SEMA3A: variants seen among roughly 807,000 people sequenced by gnomAD.
The protein encoded by SEMA3A is semaphorin-3A.
Under a neutral mutation model 97.9 loss-of-function variants are expected in SEMA3A, and 29 were observed. That is an observed-to-expected ratio of 0.30 (90% confidence interval 0.22 to 0.40). The LOEUF is 0.40. Among genes scored for constraint, SEMA3A ranks in the 10% least tolerant of loss-of-function variants. The pLI, the probability that SEMA3A is intolerant of heterozygous loss-of-function variation, is 1.00. For synonymous variants in SEMA3A, 321 were observed against 323.7 expected (o/e 0.99, Z 0.09); for missense variants, 763 against 951.3 (o/e 0.80, Z 2.60).
intron 3 of SEMA3A, among the ~76,000 whole-genome samples, chr7:84,234,257 C>T (rs901348229): frequency 7.9e-5 from 12 of 151,904 alleles, no homozygotes; most frequent in Non-Finnish European, 1.5e-4. Context: ...AGAATAAAGT[C>T]CCCACTTTCT....
chr7:84,414,677 T>C (rs1366705048), intron 1 of SEMA3A, among the ~76,000 whole-genome samples: 1 of 152,038 alleles, frequency 6.6e-6, no homozygotes, highest in Non-Finnish European at 1.5e-5. Context: ...TGGTGGGACA[T>C]TCTATCAGAA....
At chr7:84,149,321 T>C (rs531461026) in intron 1 of SEMA3A, among the ~76,000 whole-genome samples, 1 of 152,342 alleles carries the variant, frequency 6.6e-6, no homozygotes, top group Non-Finnish European at 1.5e-5. Context: ...ATTAATGTAA[T>C]TGTCTACAAT....
intron 6 of SEMA3A, among the ~76,000 whole-genome samples, chr7:84,033,216 C>T (rs1386920005): frequency 6.6e-6 from 1 of 152,094 alleles, no homozygotes; most frequent in Non-Finnish European, 1.5e-5. Context: ...TTTCTTGAAA[C>T]CCAAAAGTCA....
intron 3 of SEMA3A, among the ~76,000 whole-genome samples, chr7:84,204,570 C>G (rs749185047): frequency 6.6e-6 from 1 of 152,130 alleles, no homozygotes; most frequent in Non-Finnish European, 1.5e-5. Context: ...CAGGAGGCAA[C>G]TTCTTGAGAA....
intron 3 of SEMA3A, among the ~76,000 whole-genome samples, chr7:84,303,247 G>C (rs141966843): frequency 1.3e-5 from 2 of 152,090 alleles, no homozygotes; most frequent in Admixed American, 1.3e-4. Flanking sequence ...AGTCAAGGCC[G>C]TGAGGTAAGA....
intron 6 of SEMA3A, among the ~76,000 whole-genome samples, chr7:84,035,849 T>C (rs1584575992): frequency 6.6e-6 from 1 of 152,204 alleles, no homozygotes; most frequent in East Asian, 1.9e-4. Context: ...AATTTACTTA[T>C]AGTTAGGGAC....
rs150860276 is a variant in SEMA3A, at chr7:84,119,882, T to C, written c.333+9241A>G. 5.1e-4 allele frequency among the ~76,000 whole-genome samples: 77 copies of C among 152,260 alleles called. No individual in the cohort carries two copies. In the East Asian group the frequency reaches 0.014, roughly 28 times the overall value. ...CTTCCAGAGTATAAAATACTTACTG[T>C]ACTCTAAAAGTATGTACACTGATGC... On this transcript the variant is annotated intron_variant, in intron 3 of 16. Coordinates refer to ENST00000265362, the MANE Select transcript of SEMA3A (RefSeq NM_006080.3).
At chr7:84,328,460 T>C (rs142141604) in intron 2 of SEMA3A, among the ~76,000 whole-genome samples, 10 of 151,934 alleles carry the variant, frequency 6.6e-5, no homozygotes, top group Admixed American at 2.6e-4. Context: ...AGAGACAAAA[T>C]AGACAGTAAC....
intron 3 of SEMA3A, among the ~76,000 whole-genome samples, chr7:84,250,988 T>A: frequency 6.6e-6 from 1 of 152,184 alleles, no homozygotes; most frequent in Admixed American, 6.5e-5. Flanking sequence ...TTTTTTCTTA[T>A]TAAATGGAGA....
At chr7:84,317,128 A>C (rs538467805) in intron 2 of SEMA3A, among the ~76,000 whole-genome samples, 1 of 152,170 alleles carries the variant, frequency 6.6e-6, no homozygotes, top group Non-Finnish European at 1.5e-5. Context: ...CATAGTCACA[A>C]TGTAGCCTTG....
At chr7:84,394,733 C>T (rs900220502) in intron 1 of SEMA3A, among the ~76,000 whole-genome samples, 1 of 151,914 alleles carries the variant, frequency 6.6e-6, no homozygotes, top group Admixed American at 6.6e-5. Flanking sequence ...GAAAATGATA[C>T]GAATAGAATT....
chr7:84,339,756 A>T (rs1197546829), intron 2 of SEMA3A, among the ~76,000 whole-genome samples: 1 of 152,156 alleles, frequency 6.6e-6, no homozygotes, highest in Non-Finnish European at 1.5e-5. Context: ...CAGTAAGAAG[A>T]ATTCTGTGAA....
intron 1 of SEMA3A, among the ~76,000 whole-genome samples, chr7:84,394,540 T>C (rs1803676045): frequency 6.6e-6 from 1 of 152,148 alleles, no homozygotes; most frequent in African/African-American, 2.4e-5. Flanking sequence ...ATTTCATATA[T>C]CTAAACATTA....
intron 1 of SEMA3A, among the ~76,000 whole-genome samples, chr7:84,448,286 G>A (rs988759551): frequency 1.3e-5 from 2 of 152,144 alleles, no homozygotes; most frequent in Admixed American, 6.6e-5. Flanking sequence ...GTTTCACACA[G>A]TATTAGAAGT....
chr7:84,007,967 CATT>C (rs2116403704), intron 9 of SEMA3A, among the ~76,000 whole-genome samples: 1 of 152,252 alleles, frequency 6.6e-6, no homozygotes, highest in African/African-American at 2.4e-5. Flanking sequence ...TGATGTGCCA[CATT>C]ATATTATTTT....
chr7:84,055,429 G>A (rs958238533), intron 5 of SEMA3A, among the ~76,000 whole-genome samples: 14 of 152,184 alleles, frequency 9.2e-5, no homozygotes, highest in African/African-American at 2.7e-4. Flanking sequence ...TAAGCCCGTC[G>A]GAAAAGGGCA....
chr7:84,093,786 G>A (rs1324286609), intron 4 of SEMA3A, among the ~76,000 whole-genome samples: 1 of 152,032 alleles, frequency 6.6e-6, no homozygotes, highest in African/African-American at 2.4e-5. Context: ...ACACCCATTT[G>A]TGCCTCTGGG....
At chr7:84,172,683 C>A (rs1391043167) in intron 1 of SEMA3A, among the ~76,000 whole-genome samples, 1 of 152,116 alleles carries the variant, frequency 6.6e-6, no homozygotes, top group East Asian at 1.9e-4. Flanking sequence ...GCCTTGGCCT[C>A]CCAAAGTGCT....
chr7:84,099,737 T>A (rs918828387), intron 4 of SEMA3A, among the ~76,000 whole-genome samples: 2 of 152,290 alleles, frequency 1.3e-5, no homozygotes, highest in East Asian at 3.9e-4. Context: ...TATTTAGATA[T>A]CTTGATGTTT....
Sources: allele counts gnomAD v4.1 joint callset (sites outside exome capture counted in the v4.1 genomes callset), GRCh38; gene constraint gnomAD v4.1.1; transcripts MANE v1.5; gene names NCBI Gene and HGNC (gene_info 2026-07-23, HGNC 2026-07-21).